The following ARHGEF10L variants were observed in gnomAD, a reference collection of about 807,000 sequenced individuals.
The protein encoded by ARHGEF10L is rho guanine nucleotide exchange factor 10-like protein.
A neutral mutation model predicts 141.2 loss-of-function variants in ARHGEF10L; 69 were observed. That is an observed-to-expected ratio of 0.49 (90% confidence interval 0.40 to 0.60). ARHGEF10L has a LOEUF of 0.60. Ranked by LOEUF, ARHGEF10L falls within the 20% of genes least tolerant of loss-of-function variation. The pLI, the probability that ARHGEF10L is intolerant of heterozygous loss-of-function variation, is 0.00. For synonymous variants in ARHGEF10L, 711 were observed against 718.5 expected, an observed-to-expected ratio of 0.99 and a Z score of 0.17; for missense variants, 1,482 against 1,734.3, an observed-to-expected ratio of 0.85 and a Z score of 2.58.
At chr1:17,671,505 A>T (rs1181228238) in intron 26 of ARHGEF10L, among the ~76,000 whole-genome samples, 1 of 151,896 alleles carries the variant, frequency 6.6e-6, no homozygotes, top group Non-Finnish European at 1.5e-5. Flanking sequence ...TTCTATGGCA[A>T]CCCCCTTCCC....
At chr1:17,588,508 C>T (rs186542657) in intron 4 of ARHGEF10L, 29 bp downstream of exon 4, 26 of 1,613,284 alleles carry the variant, frequency 1.6e-5, no homozygotes, top group Admixed American at 5.0e-5. Context: ...TTTGCTTTGG[C>T]GGTTGGAAAC....
chr1:17,601,697 T>C (rs1055230467), intron 4 of ARHGEF10L, among the ~76,000 whole-genome samples: 2 of 152,222 alleles, frequency 1.3e-5, no homozygotes, highest in Non-Finnish European at 1.5e-5. Context: ...CCACATGCCT[T>C]GGCCTCCCAA....
At chr1:17,559,134 A>G (rs956127629) in intron 1 of ARHGEF10L, among the ~76,000 whole-genome samples, 2 of 152,110 alleles carry the variant, frequency 1.3e-5, no homozygotes, top group Middle Eastern at 3.2e-3. Context: ...TACTTCTGCC[A>G]TTTGTCAGCT....
chr1:17,610,029 C>T (rs1053787474), intron 7 of ARHGEF10L, among the ~76,000 whole-genome samples: 1 of 152,216 alleles, frequency 6.6e-6, no homozygotes, highest in Non-Finnish European at 1.5e-5. Context: ...CTCCTCCTCT[C>T]CCATGTTGTC....
At chr1:17,664,142 G>A (rs139213999) in intron 25 of ARHGEF10L, among the ~76,000 whole-genome samples, 1 of 152,278 alleles carries the variant, frequency 6.6e-6, no homozygotes, top group African/African-American at 2.4e-5. Context: ...TACTGCATGT[G>A]TGCGGAATGA....
At chr1:17,518,822 A>AAG in the ARHGEF10L span, among the ~76,000 whole-genome samples, 6 of 78,720 alleles carry the variant, frequency 7.6e-5, no homozygotes, top group East Asian at 3.4e-4. Context: ...AAAAAAAAAA[A>AAG]AAAGAAAGAA....
At chr1:17,613,007 C>A in intron 7 of ARHGEF10L, 51 bp from the exon 8 acceptor site, 1 of 1,278,902 alleles carries the variant, frequency 7.8e-7, no homozygotes, top group Non-Finnish European at 1.1e-6. Context: ...CTTCCTGTCC[C>A]GCCTGCTCCT....
At chr1:17,657,933 G>A (rs1049537849) in intron 25 of ARHGEF10L, among the ~76,000 whole-genome samples, 1 of 152,218 alleles carries the variant, frequency 6.6e-6, no homozygotes, top group African/African-American at 2.4e-5. Context: ...TGGGTTGGAA[G>A]GAGGTGAGGC....
At chr1:17,647,276 C>T (rs2061660311) in intron 21 of ARHGEF10L, among the ~76,000 whole-genome samples, 1 of 152,188 alleles carries the variant, frequency 6.6e-6, no homozygotes, top group Admixed American at 6.5e-5. Flanking sequence ...TACTAAATCC[C>T]TGAGTGCCAG....
At chr1:17,672,307 C>T (rs990616620) in intron 26 of ARHGEF10L, among the ~76,000 whole-genome samples, 1 of 151,674 alleles carries the variant, frequency 6.6e-6, no homozygotes. Context: ...ATGAATAATG[C>T]ATCACTGGGC....
intron 1 of ARHGEF10L, among the ~76,000 whole-genome samples, chr1:17,546,603 G>A (rs115816034): frequency 0.015 from 2,287 of 152,190 alleles, 30 homozygotes; most frequent in Middle Eastern, 0.051. Context: ...TCCTTTATGC[G>A]GTTTTCCTTT....
chr1:17,524,077 C>T, the ARHGEF10L span, among the ~76,000 whole-genome samples: 1 of 152,106 alleles, frequency 6.6e-6, no homozygotes, highest in African/African-American at 2.4e-5. Flanking sequence ...AGTTCGAGAC[C>T]AGCCTGGTGA....
chr1:17,681,836 G>A (rs1370032784), intron 26 of ARHGEF10L, among the ~76,000 whole-genome samples: 2 of 152,130 alleles, frequency 1.3e-5, no homozygotes, highest in Non-Finnish European at 2.9e-5. Context: ...TCCCCCTGGG[G>A]CTTTGTCATC....
At chr1:17,640,030 G>A (rs540883040) in intron 20 of ARHGEF10L, 172 bp from the exon 21 acceptor site, 223 of 1,469,104 alleles carry the variant, frequency 1.5e-4, no homozygotes, top group Non-Finnish European at 1.9e-4. Context: ...CTCCCCCAGG[G>A]GACCGAGGCT....
the ARHGEF10L span, among the ~76,000 whole-genome samples, chr1:17,524,211 T>A: frequency 6.6e-6 from 1 of 151,040 alleles, no homozygotes. Context: ...AGGTGGAGGT[T>A]GCAGTGAGCT....
Position 17,654,574 on chromosome 1 carries a change from C to A in ARHGEF10L, c.2395-62C>A. ...AGTTGGATGGGGCCCAGGAATCTGC[C>A]AAATATTGGCATCTGGGCACCTTGA... is the stretch of plus-strand genomic sequence containing the variant. On this transcript the variant is annotated intron_variant, in intron 22 of 28. Transcript: ENST00000361221. This position sits in a 1 kb window ranked among gnomAD's most constrained non-coding sequence, Gnocchi z 4.3. The A allele has an allele frequency of 6.8e-7, 1 of 1,469,188 alleles. No homozygotes were observed. Among genetic ancestry groups the A allele is most frequent in the Non-Finnish European group, 9.5e-7 (1 of 1,047,982 alleles). 91.0% of individuals were successfully genotyped at this position (1,469,188 alleles called of 1,614,324 possible).
chr1:17,618,337 C>T (rs1477777861), intron 9 of ARHGEF10L: 16 of 1,531,420 alleles, frequency 1.0e-5, no homozygotes, highest in Non-Finnish European at 1.3e-5. Context: ...TGGCAGGGCT[C>T]GAATCACAGG....
At chr1:17,634,067 A>C (rs2060854981) in intron 16 of ARHGEF10L, among the ~76,000 whole-genome samples, 1 of 152,164 alleles carries the variant, frequency 6.6e-6, no homozygotes, top group Non-Finnish European at 1.5e-5. Context: ...CCTCTGTCAC[A>C]CATGGGTCTG....
At chr1:17,526,366 C>A in the ARHGEF10L span, among the ~76,000 whole-genome samples, 1 of 152,194 alleles carries the variant, frequency 6.6e-6, no homozygotes, top group East Asian at 1.9e-4. Context: ...GGAGAAGAGG[C>A]CTCCTAAGTC....
Sources: gnomAD v4.1 joint callset for allele counts (sites outside exome capture counted in the v4.1 genomes callset) on GRCh38, gnomAD v4.1.1 for gene constraint, Gnocchi (gnomAD v3.1) non-coding constraint, MANE v1.5 for transcripts, NCBI Gene and HGNC (gene_info 2026-07-23, HGNC 2026-07-21) for gene names.